ELP2: variants seen among roughly 807,000 people sequenced by gnomAD.
ELP2 encodes the protein elongator acetyltransferase complex subunit 2.
Under a neutral mutation model 119.2 loss-of-function variants are expected in ELP2, and 90 were observed. The ratio of observed to expected loss-of-function variants is 0.75; its 90% CI spans 0.64 to 0.90. The LOEUF (loss-of-function observed/expected upper bound fraction) is 0.90, where lower values mean the gene tolerates loss of function less well. Ranked by LOEUF, ELP2 falls within the 40% of genes least tolerant of loss-of-function variation. The pLI is 0.00. For synonymous variants in ELP2, 339 were observed against 331.0 expected, an observed-to-expected ratio of 1.02 and a Z score of -0.26; for missense variants, 921 against 967.8, an observed-to-expected ratio of 0.95 and a Z score of 0.64.
At position 36,156,469 on chromosome 18, in the gene ELP2, A is replaced by G; in HGVS notation, c.1279A>G (p.Thr427Ala). 6.2e-7 allele frequency: 1 copy of G among 1,614,070 alleles called. No individual in the cohort carries two copies. Among genetic ancestry groups the G allele is most frequent in the Non-Finnish European group, 8.5e-7 (1 of 1,179,942 alleles). Residue 427 changes from threonine to alanine, a missense_variant, in exon 13 of 22, where the codon ACT becomes GCT. Physicochemically the swap from Thr to Ala is moderately conservative, Grantham distance 58. Coordinates refer to ENST00000358232, the MANE Select transcript of ELP2 (RefSeq NM_018255.4). Reference sequence around the variant, plus strand: ...TTGTTTATCCCGTTTTACCCAGGTGACTTGGCATGAAATTGCAAGGCCTCA... The same window carrying G: ...TTGTTTATCCCGTTTTACCCAGGTGGCTTGGCATGAAATTGCAAGGCCTCA... Reference protein sequence around the residue: ...PWKRKDQSQVTWHEIARPQIH... With the variant: ...PWKRKDQSQVAWHEIARPQIH...
At chr18:36,132,506 C>G (rs562003744) in intron 1 of ELP2, among the ~76,000 whole-genome samples, 1 of 152,282 alleles carries the variant, frequency 6.6e-6, no homozygotes, top group South Asian at 2.1e-4. Flanking sequence ...AGATACAAAG[C>G]CATTGCCGTT....
At chr18:36,159,029 T>G in intron 14 of ELP2, 125 bp downstream of exon 14, 1 of 712,930 alleles carries the variant, frequency 1.4e-6, no homozygotes, top group Non-Finnish European at 2.5e-6. Context: ...GTATATCTTT[T>G]CTATCACCTA....
At position 36,146,367 on chromosome 18, in the gene ELP2, A is replaced by C. The variant is rs766961910; in HGVS notation, c.1111A>C (p.Asn371His). The change falls in exon 11 of 22, where the codon AAT becomes CAT. Residue 371 changes from asparagine to histidine, a missense_variant. Physicochemically the swap from Asn to His is moderately conservative, Grantham distance 68. Coordinates refer to ENST00000358232, the MANE Select transcript of ELP2 (RefSeq NM_018255.4). ...FHGALHLWKQ[N>H]TVNPREWTPE... The stretch of plus-strand genomic sequence containing the variant: ...CGGAGCGTTGCACCTTTGGAAACAG[A>C]ATACAGTTAACCCAGTAAGAAAAGA... 26 of 1,614,108 alleles carry C rather than the reference A, an allele frequency of 1.6e-5. No individual in the cohort carries two copies. Among genetic ancestry groups the C allele is most frequent in the Non-Finnish European group, 2.0e-5 (24 of 1,179,956 alleles).
In ELP2 at chr18:36,136,447, AC is replaced by A. The variant is rs1456218127; in HGVS notation, c.288+71del. The A allele has an allele frequency of 2.4e-6, 3 of 1,265,874 alleles. No homozygotes were observed. In the Admixed American group the frequency reaches 5.0e-5, roughly 21 times the overall value. 78.4% of individuals were successfully genotyped at this position (1,265,874 alleles called of 1,614,324 possible). On this transcript the variant is annotated intron_variant, in intron 3 of 21. Transcript: ENST00000358232. ...TTTGTTTTTTAAGAGGTAGAGTTTC[AC>A]TCTGTCACCCAGGCTGACGTGCAGT...
intron 2 of ELP2, among the ~76,000 whole-genome samples, chr18:36,135,262 G>A (rs1286373258): frequency 6.6e-6 from 1 of 152,162 alleles, no homozygotes; most frequent in Non-Finnish European, 1.5e-5. Context: ...TCCTTTCATT[G>A]AACTGCCAGA....
Position 36,156,518 on chromosome 18 carries a change from G to A in ELP2, c.1328G>A (p.Cys443Tyr). The change falls in exon 13 of 22, where the codon TGT becomes TAT. Residue 443 changes from cysteine (C) to tyrosine (Y), a missense_variant. Physicochemically the swap from Cys to Tyr is radical, Grantham distance 194 (BLOSUM62 -2). Transcript: ENST00000358232. ...RPQIHGYDLK[C>Y]LAMINRFQFV... is the part of the protein sequence containing the mutation. ...CAGATACATGGGTATGACCTGAAAT[G>A]TTTGGCAATGATTAATCGGTTTCAG... 1.9e-6 allele frequency: 3 copies of A among 1,614,136 alleles called. No homozygotes were observed. Among genetic ancestry groups the A allele is most frequent in the Non-Finnish European group, 2.5e-6 (3 of 1,180,002 alleles).
chr18:36,132,412 T>G (rs1252304582), intron 1 of ELP2, among the ~76,000 whole-genome samples: 1 of 152,202 alleles, frequency 6.6e-6, no homozygotes, highest in Non-Finnish European at 1.5e-5. Context: ...CAGCCTCAAA[T>G]AACCTATATG....
At position 36,138,348 on chromosome 18, in the gene ELP2, G is replaced by T. The variant is rs1250752079; in HGVS notation, c.367G>T (p.Asp123Tyr). ...VHAVYQRRTS[D>Y]PALCTLIVSA... ...TGCTGTTTACCAGAGGAGGACATCA[G>T]ATCCTGCATTATGTACACTGATCGT... Residue 123 changes from aspartate (D) to tyrosine (Y), a missense_variant, in exon 4 of 22, where the codon GAT becomes TAT. Physicochemically the swap from Asp to Tyr is radical, Grantham distance 160. Coordinates refer to ENST00000358232, the MANE Select transcript of ELP2 (RefSeq NM_018255.4). The T allele has an allele frequency of 6.2e-7, 1 of 1,614,092 alleles. No homozygotes were observed. The highest frequency in any genetic ancestry group is 1.7e-5 in the Admixed American group (1 of 60,026).
chr18:36,158,306 C>G (rs1369718072), intron 13 of ELP2, among the ~76,000 whole-genome samples: 1 of 152,132 alleles, frequency 6.6e-6, no homozygotes, highest in Non-Finnish European at 1.5e-5. Flanking sequence ...AAAATCTAAG[C>G]AGATATTGCC....
rs780895486 is a variant in ELP2, at chr18:36,133,213, A to G, written c.139-25A>G. ...TTTTCTGTAGGATAAATTCCAGTTTACTAACTGTATTTTCTTCTCTAAAGA... is the reference window on the plus strand; with the variant it reads ...TTTTCTGTAGGATAAATTCCAGTTTGCTAACTGTATTTTCTTCTCTAAAGA... On this transcript the variant is annotated intron_variant, in intron 1 of 21. Coordinates refer to ENST00000358232, the MANE Select transcript of ELP2 (RefSeq NM_018255.4). The G allele has an allele frequency of 2.0e-6, 3 of 1,523,926 alleles. No individual in the cohort carries two copies. The East Asian group carries it at 6.8e-5, about 34-fold the overall frequency. 94.4% of individuals were successfully genotyped at this position (1,523,926 alleles called of 1,614,324 possible). A position where few individuals can be genotyped will look rare whatever the true frequency, so the allele number is the denominator to read the frequency against.
chr18:36,130,936 G>A (rs1371752780), intron 1 of ELP2, among the ~76,000 whole-genome samples: 1 of 152,180 alleles, frequency 6.6e-6, no homozygotes, highest in Non-Finnish European at 1.5e-5. Context: ...GGGAGGCAGA[G>A]GTGGGAGCAT....
chr18:36,134,759 A>G (rs2089767097), intron 2 of ELP2, among the ~76,000 whole-genome samples: 1 of 152,180 alleles, frequency 6.6e-6, no homozygotes, highest in Non-Finnish European at 1.5e-5. Context: ...CAGAATTTTC[A>G]GTTAAAATAT....
At chr18:36,158,732 C>G in intron 13 of ELP2, 103 bp from the exon 14 acceptor site, 1 of 791,056 alleles carries the variant, frequency 1.3e-6, no homozygotes, top group Non-Finnish European at 2.1e-6. Context: ...CATTTATGAG[C>G]GTGACTTTTT....
chr18:36,156,748 T>A, intron 13 of ELP2, 94 bp downstream of exon 13: 1 of 1,119,948 alleles, frequency 8.9e-7, no homozygotes, highest in Non-Finnish European at 1.3e-6. Flanking sequence ...AATATATGGG[T>A]AGAAAGAAAG....
intron 21 of ELP2, among the ~76,000 whole-genome samples, chr18:36,172,290 G>A (rs57494619): frequency 0.049 from 7,387 of 152,066 alleles, 571 homozygotes; most frequent in African/African-American, 0.16. Flanking sequence ...CGTTCAGAAA[G>A]CTACTAATAT....
In ELP2 at chr18:36,130,059, C is replaced by T; in HGVS notation, c.126C>T (p.Leu42=). 1 of 1,614,184 alleles carries T rather than the reference C, an allele frequency of 6.2e-7. No individual in the cohort carries two copies. Among genetic ancestry groups the T allele is most frequent in the South Asian group, 1.1e-5 (1 of 91,090 alleles). Residue 42 remains leucine, a synonymous_variant, in exon 1 of 22, where the codon CTC becomes CTT. Coordinates refer to ENST00000358232, the MANE Select transcript of ELP2 (RefSeq NM_018255.4). ...LAFGTSCSVV[L]YDPLKRVVVT... ...TTGGCACGTCCTGCTCCGTGGTGCT[C>T]TATGACCCCCTGGTAAGAGAGGTCG...
intron 11 of ELP2, among the ~76,000 whole-genome samples, chr18:36,148,611 C>A (rs530621678): frequency 2.8e-4 from 43 of 152,244 alleles, no homozygotes; most frequent in African/African-American, 1.0e-3. Context: ...GTAATCCCAG[C>A]ACTTTGGGAG....
chr18:36,161,067 A>C (rs1005385732), intron 17 of ELP2, 63 bp downstream of exon 17: 3 of 1,212,462 alleles, frequency 2.5e-6, no homozygotes, highest in Admixed American at 1.7e-5. Context: ...GGCTCCTGCA[A>C]GTTTGGTAAT....
At position 36,156,087 on chromosome 18, in the gene ELP2, T is replaced by C. The variant is rs139799111; in HGVS notation, c.1276-379T>C. 1.8e-4 allele frequency among the ~76,000 whole-genome samples: 27 copies of C among 152,290 alleles called. 1 individual carries two copies. The East Asian group carries it at 5.2e-3, about 29-fold the overall frequency. On this transcript the variant is annotated intron_variant, in intron 12 of 21. Transcript: ENST00000358232. ...TACTGGTAAACTTTGAACTGCTATG[T>C]GGTAGAGAAAATCAGGATCCTCTGC...
Sources: gnomAD v4.1 joint callset for allele counts (sites outside exome capture counted in the v4.1 genomes callset) on GRCh38, gnomAD v4.1.1 for gene constraint, MANE v1.5 for transcripts, NCBI Gene and HGNC (gene_info 2026-07-23, HGNC 2026-07-21) for gene names.